The following SH3PXD2A variants were observed in gnomAD, a reference collection of about 807,000 sequenced individuals.
The protein encoded by SH3PXD2A is SH3 and PX domain-containing protein 2A.
SH3PXD2A carries 32 observed loss-of-function variants against 115.2 expected under a neutral mutation model. The observed-to-expected ratio is 0.28, with a 90% CI of 0.21 to 0.37. The LOEUF (loss-of-function observed/expected upper bound fraction) is 0.37. Among genes scored for constraint, SH3PXD2A ranks in the 10% least tolerant of loss-of-function variants. SH3PXD2A has a pLI of 1.00. For synonymous variants in SH3PXD2A, 610 were observed against 629.1 expected (o/e 0.97, Z 0.45); for missense variants, 1,328 against 1,498.7 (o/e 0.89, Z 1.88).
chr10:103,712,716 G>A (rs998669944), intron 5 of SH3PXD2A, among the ~76,000 whole-genome samples: 8 of 152,238 alleles, frequency 5.3e-5, no homozygotes, highest in African/African-American at 1.9e-4. Context: ...TTCAGCCCCC[G>A]TGGTGACCAT....
At chr10:103,799,419 C>G (rs907758322) in intron 2 of SH3PXD2A, among the ~76,000 whole-genome samples, 28 of 152,276 alleles carry the variant, frequency 1.8e-4, no homozygotes, top group African/African-American at 6.8e-4. Flanking sequence ...ACTGCATCTA[C>G]AGGTCAGCAA....
intron 8 of SH3PXD2A, among the ~76,000 whole-genome samples, chr10:103,640,184 A>G (rs1328733551): frequency 6.6e-6 from 1 of 152,036 alleles, no homozygotes; most frequent in Admixed American, 6.5e-5. Context: ...GTGTAGTGGC[A>G]CATGCCTGTA....
chr10:103,709,884 T>A (rs2038026846), intron 5 of SH3PXD2A, among the ~76,000 whole-genome samples: 1 of 152,098 alleles, frequency 6.6e-6, no homozygotes, highest in South Asian at 2.1e-4. Context: ...GGTGGGTGGA[T>A]CACCTGAGGT....
intron 4 of SH3PXD2A, among the ~76,000 whole-genome samples, chr10:103,734,237 T>C (rs965608955): frequency 2.6e-5 from 4 of 152,184 alleles, no homozygotes; most frequent in Non-Finnish European, 5.9e-5. Flanking sequence ...TGCCACATTA[T>C]AACACATTAT....
chr10:103,837,128 T>C (rs1384863367), intron 1 of SH3PXD2A, among the ~76,000 whole-genome samples: 1 of 152,222 alleles, frequency 6.6e-6, no homozygotes, highest in Admixed American at 6.5e-5. Context: ...CCCTAGAAGC[T>C]GTTGTACTTA....
intron 8 of SH3PXD2A, among the ~76,000 whole-genome samples, chr10:103,652,559 A>G (rs2037143562): frequency 6.6e-6 from 1 of 152,220 alleles, no homozygotes; most frequent in African/African-American, 2.4e-5. Flanking sequence ...AGCTGGGGAG[A>G]GAATGAGGAA....
intron 3 of SH3PXD2A, among the ~76,000 whole-genome samples, chr10:103,764,247 G>A (rs1004718454): frequency 1.3e-5 from 2 of 152,146 alleles, no homozygotes; most frequent in Non-Finnish European, 1.5e-5. Flanking sequence ...CTGAGCTAAG[G>A]AGTGAGCAGA....
chr10:103,633,135 C>T (rs2036807661), intron 8 of SH3PXD2A, among the ~76,000 whole-genome samples: 1 of 152,226 alleles, frequency 6.6e-6, no homozygotes, highest in Non-Finnish European at 1.5e-5. Flanking sequence ...GTCTCAGCCC[C>T]AGCTGGGTGC....
At chr10:103,825,825 G>A (rs993269731) in intron 1 of SH3PXD2A, among the ~76,000 whole-genome samples, 2 of 150,408 alleles carry the variant, frequency 1.3e-5, no homozygotes, top group Non-Finnish European at 2.9e-5. Context: ...GTGCAGTGGC[G>A]CAATCTCAGC....
In SH3PXD2A at chr10:103,600,538, T is replaced by A; in HGVS notation, c.*1278A>T. 1 of 152,208 alleles carries A rather than the reference T, an allele frequency of 6.6e-6. No individual in the cohort carries two copies. The highest frequency in any genetic ancestry group is 1.9e-4 in the East Asian group (1 of 5,170). 9.4% of individuals were successfully genotyped at this position (152,208 alleles called of 1,614,324 possible). On this transcript the variant is annotated 3_prime_UTR_variant, in exon 15 of 15. Transcript: ENST00000369774. ...CTTCTCCATGCTTCATACGTAAGGC[T>A]TCCAGCCCTGCCCAGCTGGGGAACA...
chr10:103,715,603 C>T (rs538410035), intron 5 of SH3PXD2A, among the ~76,000 whole-genome samples: 10 of 152,330 alleles, frequency 6.6e-5, no homozygotes, highest in South Asian at 2.1e-4. Flanking sequence ...TCCCCAGTGC[C>T]GGAGCAGTGA....
intron 13 of SH3PXD2A, chr10:103,608,625 T>C (rs1358410200): frequency 6.8e-6 from 1 of 147,020 alleles, no homozygotes; most frequent in Non-Finnish European, 1.5e-5. Context: ...AATTAAATTA[T>C]TCTATTCTTT....
chr10:103,776,419 T>C (rs1434975566), intron 2 of SH3PXD2A, among the ~76,000 whole-genome samples: 2 of 135,834 alleles, frequency 1.5e-5, no homozygotes, highest in African/African-American at 5.8e-5. Flanking sequence ...AAAAAGTGTG[T>C]GCATGCGTGT....
At chr10:103,761,003 G>A (rs2038694320) in intron 3 of SH3PXD2A, among the ~76,000 whole-genome samples, 1 of 152,184 alleles carries the variant, frequency 6.6e-6, no homozygotes, top group Non-Finnish European at 1.5e-5. Context: ...CAGGTTTCTG[G>A]AATATGCCTT....
At chr10:103,688,245 C>T (rs772637709) in intron 6 of SH3PXD2A, among the ~76,000 whole-genome samples, 3 of 152,196 alleles carry the variant, frequency 2.0e-5, no homozygotes, top group Non-Finnish European at 2.9e-5. Context: ...GCAATGATCC[C>T]CAATTTAAAG....
chr10:103,727,397 G>A (rs2038253837), intron 4 of SH3PXD2A, among the ~76,000 whole-genome samples: 1 of 152,194 alleles, frequency 6.6e-6, no homozygotes. Context: ...GGGAGGGAGA[G>A]AAAGTCAGGG....
intron 13 of SH3PXD2A, 143 bp downstream of exon 13, chr10:103,611,438 G>A: frequency 1.3e-6 from 1 of 765,178 alleles, no homozygotes; most frequent in South Asian, 1.6e-5. Flanking sequence ...CCTGCCCCTA[G>A]CCCCACAAAA....
intron 2 of SH3PXD2A, among the ~76,000 whole-genome samples, chr10:103,782,932 T>TA (rs200099897): frequency 5.3e-5 from 7 of 131,866 alleles, no homozygotes; most frequent in African/African-American, 2.3e-4. Flanking sequence ...AATGCATGCC[T>TA]TGGGGGGGGG....
At chr10:103,792,831 T>A (rs557905689) in intron 2 of SH3PXD2A, among the ~76,000 whole-genome samples, 6 of 152,340 alleles carry the variant, frequency 3.9e-5, no homozygotes, top group African/African-American at 1.2e-4. Context: ...AAGATTCCAG[T>A]TGGACAAGAT....
Sources: gnomAD v4.1 joint callset for allele counts (sites outside exome capture counted in the v4.1 genomes callset) on GRCh38, gnomAD v4.1.1 for gene constraint, MANE v1.5 for transcripts, NCBI Gene and HGNC (gene_info 2026-07-23, HGNC 2026-07-21) for gene names.